The following AAK1 variants were observed in gnomAD, a reference collection of about 807,000 sequenced individuals.
AAK1 encodes AP2 associated kinase 1.
In AAK1, 37 loss-of-function variants were observed where a neutral mutation model predicts 116.0. The observed-to-expected ratio is 0.32, with a 90% confidence interval of 0.25 to 0.42. The LOEUF is 0.42. Among genes scored for constraint, AAK1 ranks in the 10% least tolerant of loss-of-function variants. AAK1 has a pLI of 1.00. For missense variants in AAK1, 919 were observed against 1,170.6 expected (o/e 0.79, Z 3.14); for synonymous variants, 458 against 439.9 (o/e 1.04, Z -0.51).
Position 69,469,872 on chromosome 2 carries a change from A to AT in AAK1, c.*5996dup. ...AATATGGGTAACTCCATATTAGTCT[A>AT]TTTTGAGGCTCCAAATTATGTAGAT... On this transcript the variant is annotated 3_prime_UTR_variant, in exon 22 of 22. Coordinates refer to ENST00000409085, the MANE Select transcript of AAK1 (RefSeq NM_014911.5). The AT allele has an allele frequency of 1.0e-6, 1 of 985,314 alleles. No homozygotes were observed. Among genetic ancestry groups the AT allele is most frequent in the Non-Finnish European group, 1.2e-6 (1 of 829,930 alleles). 61.0% of individuals were successfully genotyped at this position (985,314 alleles called of 1,614,324 possible).
intron 19 of AAK1, 135 bp downstream of exon 19, chr2:69,480,725 A>T: frequency 1.6e-6 from 1 of 643,596 alleles, no homozygotes; most frequent in Middle Eastern, 4.4e-4. Context: ...GGCTGTGACA[A>T]TTCAGAGTGT....
intron 2 of AAK1, among the ~76,000 whole-genome samples, chr2:69,568,164 T>C (rs6727949): frequency 0.045 from 6,915 of 152,246 alleles, 559 homozygotes; most frequent in African/African-American, 0.16. Context: ...TGTTAGTGGA[T>C]TACATTCTCC....
chr2:69,480,482 G>T (rs1298400225), intron 19 of AAK1, among the ~76,000 whole-genome samples: 4 of 152,112 alleles, frequency 2.6e-5, no homozygotes. Flanking sequence ...GACATCACTG[G>T]CATTGGCAGA....
At chr2:69,495,864 A>T in intron 17 of AAK1, 121 bp downstream of exon 17, 1 of 738,768 alleles carries the variant, frequency 1.4e-6, no homozygotes, top group Non-Finnish European at 2.2e-6. Context: ...ATACAACAGC[A>T]GCCTATTATT....
In AAK1 at chr2:69,475,400, CA is replaced by C; in HGVS notation, c.*468del. 1.0e-6 allele frequency: 1 copy of C among 995,180 alleles called. No homozygotes were observed. Among genetic ancestry groups the C allele is most frequent in the Non-Finnish European group, 1.2e-6 (1 of 835,422 alleles). 61.6% of individuals were successfully genotyped at this position (995,180 alleles called of 1,614,324 possible). ...AGACCAACTGAAGTAGCCATGTCCT[CA>C]TGATAATGCATCAGGATAAAAAGCA... On this transcript the variant is annotated 3_prime_UTR_variant, in exon 22 of 22. Transcript: ENST00000409085.
intron 11 of AAK1, among the ~76,000 whole-genome samples, chr2:69,520,421 C>T (rs981891824): frequency 1.3e-5 from 2 of 149,218 alleles, no homozygotes; most frequent in African/African-American, 5.0e-5. Context: ...TGCAATGGCA[C>T]GGTCTTGGCT....
intron 2 of AAK1, among the ~76,000 whole-genome samples, chr2:69,595,508 G>A (rs901265739): frequency 1.3e-5 from 2 of 152,178 alleles, no homozygotes; most frequent in African/African-American, 4.8e-5. Flanking sequence ...ATTCCCTTAC[G>A]CCAAAGTCTA....
At chr2:69,488,133 A>G (rs566552876) in intron 17 of AAK1, among the ~76,000 whole-genome samples, 1 of 139,368 alleles carries the variant, frequency 7.2e-6, no homozygotes, top group East Asian at 2.3e-4. Flanking sequence ...CCAGACTCTA[A>G]ACGTGTGTGT....
chr2:69,629,675 C>T (rs1416460164), intron 2 of AAK1, among the ~76,000 whole-genome samples: 1 of 152,126 alleles, frequency 6.6e-6, no homozygotes, highest in Non-Finnish European at 1.5e-5. Context: ...GTCTCTCCTG[C>T]CTGCCCAGCA....
Position 69,514,637 on chromosome 2 carries a change from T to A in AAK1, c.1610A>T (p.Gln537Leu), listed in dbSNP as rs1332775094. 6.2e-7 allele frequency: 1 copy of A among 1,609,920 alleles called. No homozygotes were observed. Among genetic ancestry groups the A allele is most frequent in the African/African-American group, 1.3e-5 (1 of 74,906 alleles). Residue 537 changes from glutamine to leucine, a missense_variant, in exon 13 of 22, where the codon CAG (glutamine) becomes CTG (leucine). Physicochemically the swap from Gln to Leu is moderately radical, Grantham distance 113. This residue lies in a region of AAK1 where 214 missense variants were observed against 210.6 expected (regional missense o/e 1.02). Transcript: ENST00000409085. ...LMQNFYQQQQQQQQQQQQQQL... is the reference protein window; with the variant it reads ...LMQNFYQQQQLQQQQQQQQQL... ...TTGCTGTTGCTGTTGTTGTTGCTGC[T>A]GCTGCTGCTGCTGGTAGAAATTCTG...
chr2:69,496,040 G>C lies in AAK1; in HGVS notation c.2310C>G (p.Leu770=). ...AAGGATCAGACACGCTTAGAAGCGG[G>C]AGGCCAGAGTCCACAGTCTGCCCAC... ...RKGGQTVDSG[L]PLLSVSDPFI... is the part of the protein sequence containing the mutation. The change falls in exon 17 of 22, where the codon CTC becomes CTG. Residue 770 remains leucine (L), a synonymous_variant. Transcript: ENST00000409085. 5.1e-6 allele frequency: 8 copies of C among 1,555,574 alleles called. No individual in the cohort carries two copies. The highest frequency in any genetic ancestry group is 7.0e-6 in the Non-Finnish European group (8 of 1,149,222).
chr2:69,607,196 G>A (rs2105208517), intron 2 of AAK1, among the ~76,000 whole-genome samples: 1 of 152,248 alleles, frequency 6.6e-6, no homozygotes, highest in South Asian at 2.1e-4. Context: ...CCAAGAAGGT[G>A]ACATATGAAC....
intron 2 of AAK1, among the ~76,000 whole-genome samples, chr2:69,561,380 CCCAG>C (rs1671628437): frequency 6.6e-6 from 1 of 152,180 alleles, no homozygotes; most frequent in South Asian, 2.1e-4. Context: ...ACTCCTCCCA[CCCAG>C]CATGTGTATA....
intron 2 of AAK1, among the ~76,000 whole-genome samples, chr2:69,639,756 C>T (rs1280526674): frequency 3.3e-5 from 5 of 152,116 alleles, no homozygotes; most frequent in African/African-American, 9.7e-5. Context: ...GCCTAGCCAC[C>T]GCTCTGGGCA....
chr2:69,487,917 G>A (rs1675365207), intron 17 of AAK1, among the ~76,000 whole-genome samples: 1 of 151,450 alleles, frequency 6.6e-6, no homozygotes, highest in East Asian at 1.9e-4. Context: ...AGCCTCCCGA[G>A]TATCTGGCAT....
chr2:69,547,926 A>C (rs1255541328), intron 3 of AAK1, among the ~76,000 whole-genome samples: 1 of 152,228 alleles, frequency 6.6e-6, no homozygotes, highest in Non-Finnish European at 1.5e-5. Context: ...ATATTGATAC[A>C]TGCTATGACA....
intron 2 of AAK1, among the ~76,000 whole-genome samples, chr2:69,567,679 C>T (rs775432714): frequency 7.9e-5 from 12 of 152,268 alleles, no homozygotes; most frequent in Middle Eastern, 6.8e-3. Flanking sequence ...AGAACATCCT[C>T]TTGGTGAAAA....
intron 16 of AAK1, among the ~76,000 whole-genome samples, chr2:69,500,698 T>TATATATATATATACACACAC: frequency 3.1e-5 from 2 of 65,100 alleles, no homozygotes; most frequent in Non-Finnish European, 2.6e-5. Flanking sequence ...TATATATATA[T>TATATATATATATACACACAC]ACACACACAC....
At position 69,495,977 on chromosome 2, in the gene AAK1, T is replaced by C. The variant is rs1333405729; in HGVS notation, c.2365+8A>G. The stretch of plus-strand genomic sequence containing the variant: ...CTGCTTAACCTCAGAACAGTTCTGT[T>C]CACCTACCTGGTGCATCAGGTACTT... On this transcript the variant is annotated splice_region_variant and intron_variant, in intron 17 of 21. Transcript: ENST00000409085. The C allele has an allele frequency of 6.4e-7, 1 of 1,551,714 alleles. No homozygotes were observed.
Sources: allele counts gnomAD v4.1 joint callset (sites outside exome capture counted in the v4.1 genomes callset), GRCh38; gene constraint gnomAD v4.1.1; regional missense constraint gnomAD v4.1.1; transcripts MANE v1.5; gene names NCBI Gene and HGNC (gene_info 2026-07-23, HGNC 2026-07-21).